Variants in ABLIM3 observed in about 807,000 individuals in gnomAD.
ABLIM3 encodes the protein actin-binding LIM protein 3.
In ABLIM3, 61 loss-of-function variants were observed where a neutral mutation model predicts 109.5. The observed-to-expected ratio is 0.56, with a 90% CI of 0.45 to 0.69. The LOEUF is 0.69. Among genes scored for constraint, ABLIM3 ranks in the 30% least tolerant of loss-of-function variants. The pLI is 0.00. For missense variants in ABLIM3, 796 were observed against 889.5 expected (o/e 0.89, Z 1.34); for synonymous variants, 300 against 324.8 (o/e 0.92, Z 0.82).
At chr5:149,185,970 AG>A (rs1392325562) in intron 3 of ABLIM3, among the ~76,000 whole-genome samples, 2 of 152,330 alleles carry the variant, frequency 1.3e-5, no homozygotes, top group African/African-American at 4.8e-5. Flanking sequence ...CAGGAGGCAA[AG>A]CTTAGCATCT....
intron 2 of ABLIM3, among the ~76,000 whole-genome samples, chr5:149,174,193 T>G (rs1218885837): frequency 6.6e-6 from 1 of 152,022 alleles, no homozygotes; most frequent in Non-Finnish European, 1.5e-5. Flanking sequence ...AGGTTTGCAT[T>G]CCATGCGTGG....
At chr5:149,252,484 G>A in intron 22 of ABLIM3, 2 of 546,724 alleles carry the variant, frequency 3.7e-6, no homozygotes, top group Non-Finnish European at 6.4e-6. Context: ...CTTACATTCG[G>A]GAGGTCATGT....
At chr5:149,222,557 G>A (rs1232251320) in intron 8 of ABLIM3, among the ~76,000 whole-genome samples, 1 of 151,938 alleles carries the variant, frequency 6.6e-6, no homozygotes, top group African/African-American at 2.4e-5. Flanking sequence ...AAGAGACTTG[G>A]TTCTGTGTTA....
chr5:149,199,029 T>C, intron 4 of ABLIM3: 1 of 456,542 alleles, frequency 2.2e-6, no homozygotes, highest in Non-Finnish European at 4.4e-6. Context: ...ATGATAGTCA[T>C]CTATCTTCTC....
intron 3 of ABLIM3, among the ~76,000 whole-genome samples, chr5:149,193,663 G>C (rs1193689150): frequency 1.3e-5 from 2 of 152,014 alleles, no homozygotes; most frequent in Non-Finnish European, 2.9e-5. Context: ...CATTCCTAAA[G>C]AACAACAAAG....
chr5:149,189,758 G>A (rs956914443), intron 3 of ABLIM3, among the ~76,000 whole-genome samples: 2 of 152,198 alleles, frequency 1.3e-5, no homozygotes, highest in Non-Finnish European at 2.9e-5. Flanking sequence ...CTGGTGGAAA[G>A]GAATGTAAAA....
chr5:149,182,661 A>G (rs1756566607), intron 2 of ABLIM3, among the ~76,000 whole-genome samples: 1 of 152,210 alleles, frequency 6.6e-6, no homozygotes, highest in Non-Finnish European at 1.5e-5. Context: ...CAGCACATAT[A>G]CTAAAATTGG....
At chr5:149,229,029 C>A (rs1190754173) in intron 8 of ABLIM3, among the ~76,000 whole-genome samples, 1 of 152,196 alleles carries the variant, frequency 6.6e-6, no homozygotes, top group African/African-American at 2.4e-5. Flanking sequence ...TCCATCTCAT[C>A]CATTTCCTAC....
At chr5:149,180,284 CA>C (rs1395502764) in intron 2 of ABLIM3, among the ~76,000 whole-genome samples, 1 of 152,082 alleles carries the variant, frequency 6.6e-6, no homozygotes, top group African/African-American at 2.4e-5. Context: ...AAATGATAAC[CA>C]GCAGAAAATC....
At chr5:149,203,910 A>G (rs992063268) in intron 5 of ABLIM3, among the ~76,000 whole-genome samples, 2 of 152,258 alleles carry the variant, frequency 1.3e-5, no homozygotes, top group Non-Finnish European at 2.9e-5. Flanking sequence ...ACTGAGACTC[A>G]GTGAGCATAA....
At chr5:149,206,084 C>A (rs938487256) in intron 5 of ABLIM3, among the ~76,000 whole-genome samples, 1 of 152,214 alleles carries the variant, frequency 6.6e-6, no homozygotes, top group African/African-American at 2.4e-5. Flanking sequence ...TTTCCTCCGC[C>A]AAAGTGGGTC....
chr5:149,169,941 A>G (rs959670393), intron 2 of ABLIM3, among the ~76,000 whole-genome samples: 14 of 152,210 alleles, frequency 9.2e-5, no homozygotes, highest in African/African-American at 3.1e-4. Context: ...GTTTATTCCA[A>G]GTGAAAAAAT....
chr5:149,171,575 CAT>C (rs1247090156), intron 2 of ABLIM3, among the ~76,000 whole-genome samples: 8 of 152,206 alleles, frequency 5.3e-5, no homozygotes, highest in African/African-American at 1.9e-4. Context: ...CTCCAGGTGA[CAT>C]AAGCTTTCCC....
chr5:149,237,786 TG>T (rs1267383912), intron 11 of ABLIM3, among the ~76,000 whole-genome samples, 183 bp downstream of exon 11: 1 of 152,158 alleles, frequency 6.6e-6, no homozygotes, highest in Non-Finnish European at 1.5e-5. Flanking sequence ...TGGCTCTTCT[TG>T]AAAAATCAGA....
At chr5:149,182,016 G>C (rs552636131) in intron 2 of ABLIM3, among the ~76,000 whole-genome samples, 1 of 152,268 alleles carries the variant, frequency 6.6e-6, no homozygotes, top group African/African-American at 2.4e-5. Flanking sequence ...CAATTGGAAG[G>C]GACATGCACA....
intron 7 of ABLIM3, among the ~76,000 whole-genome samples, chr5:149,211,072 G>A (rs575793364): frequency 7.9e-5 from 12 of 152,146 alleles, no homozygotes; most frequent in South Asian, 2.1e-4. Context: ...TCTTTGATTC[G>A]GACCCAGACA....
intron 9 of ABLIM3, among the ~76,000 whole-genome samples, chr5:149,232,861 A>G (rs1761992454): frequency 6.6e-6 from 1 of 152,206 alleles, no homozygotes; most frequent in African/African-American, 2.4e-5. Context: ...ACCCACTTTT[A>G]CATTTTGAAT....
intron 2 of ABLIM3, among the ~76,000 whole-genome samples, chr5:149,168,335 G>A (rs574431979): frequency 1.3e-3 from 193 of 152,198 alleles, no homozygotes; most frequent in African/African-American, 4.3e-3. Flanking sequence ...GAATATGAGG[G>A]GCCAATGATG....
In ABLIM3 at chr5:149,259,820, A is replaced by G. The variant is rs1754753158; in HGVS notation, c.*1416A>G. 2 of 569,492 alleles carry G rather than the reference A, an allele frequency of 3.5e-6. No individual in the cohort carries two copies. Among genetic ancestry groups the G allele is most frequent in the East Asian group, 3.0e-5 (1 of 33,896 alleles). 35.3% of individuals were successfully genotyped at this position (569,492 alleles called of 1,614,324 possible). ...GTGAAAATGACAATAATGACTCTCA[A>G]GAGGCTGGCGATGTGACATGGCAAA... is the stretch of plus-strand genomic sequence containing the variant. On this transcript the variant is annotated 3_prime_UTR_variant, in exon 24 of 24. Transcript: ENST00000309868.
Sources: gnomAD v4.1 joint callset for allele counts (sites outside exome capture counted in the v4.1 genomes callset) on GRCh38, gnomAD v4.1.1 for gene constraint, MANE v1.5 for transcripts, NCBI Gene and HGNC (gene_info 2026-07-23, HGNC 2026-07-21) for gene names.